IL1RAPL2: variants seen among roughly 807,000 people sequenced by gnomAD.
IL1RAPL2 encodes the protein X-linked interleukin-1 receptor accessory protein-like 2.
IL1RAPL2 carries 3 observed loss-of-function variants against 44.1 expected under a neutral mutation model. The observed-to-expected ratio is 0.07, with a 90% CI of 0.03 to 0.18. IL1RAPL2 has a LOEUF of 0.18. Ranked by LOEUF, IL1RAPL2 falls within the 10% of genes least tolerant of loss-of-function variation. The pLI is 1.00. For synonymous variants in IL1RAPL2, 181 were observed against 178.8 expected, an observed-to-expected ratio of 1.01 and a Z score of -0.10; for missense variants, 391 against 496.4, an observed-to-expected ratio of 0.79 and a Z score of 2.02.
chrX:104,618,292 A>G (rs1602646178), intron 1 of IL1RAPL2, among the ~76,000 whole-genome samples: 1 of 112,332 alleles, frequency 8.9e-6, no homozygotes, highest in Non-Finnish European at 1.9e-5. Flanking sequence ...GGGTTGACTC[A>G]TGGAATGCAC....
chrX:104,965,149 T>A (rs996507220), intron 2 of IL1RAPL2, among the ~76,000 whole-genome samples: 1 of 111,817 alleles, frequency 8.9e-6, no homozygotes, highest in African/African-American at 3.3e-5. Context: ...AGTGGGCTCA[T>A]AAGGAACAGG....
At chrX:105,511,741 G>C (rs978999315) in intron 6 of IL1RAPL2, among the ~76,000 whole-genome samples, 1 of 111,858 alleles carries the variant, frequency 8.9e-6, no homozygotes, top group Non-Finnish European at 1.9e-5. Context: ...GCATCTTCTA[G>C]TTAGCACAAT....
chrX:105,324,668 A>G (rs2034922273), intron 5 of IL1RAPL2, among the ~76,000 whole-genome samples: 1 of 112,191 alleles, frequency 8.9e-6, no homozygotes. Flanking sequence ...TGCAGATGAA[A>G]AGACCAAGGC....
intron 1 of IL1RAPL2, among the ~76,000 whole-genome samples, chrX:104,614,157 T>C (rs1164859722): frequency 9.0e-6 from 1 of 111,560 alleles, no homozygotes; most frequent in African/African-American, 3.3e-5. Context: ...TTGGTTTTGT[T>C]GATTCTTCAT....
intron 6 of IL1RAPL2, among the ~76,000 whole-genome samples, chrX:105,601,060 A>G (rs897468340): frequency 2.7e-5 from 3 of 111,625 alleles, no homozygotes; most frequent in African/African-American, 9.8e-5. Context: ...ATCCTGTTCT[A>G]TGAAGTGCAT....
intron 2 of IL1RAPL2, among the ~76,000 whole-genome samples, chrX:104,920,792 T>A (rs2147691407): frequency 9.1e-6 from 1 of 109,768 alleles, no homozygotes; most frequent in East Asian, 2.9e-4. Flanking sequence ...TTAAAAACAC[T>A]AAAAAAGGAG....
At chrX:105,126,618 A>G (rs1414208575) in intron 2 of IL1RAPL2, among the ~76,000 whole-genome samples, 1 of 111,507 alleles carries the variant, frequency 9.0e-6, no homozygotes, top group Non-Finnish European at 1.9e-5. Context: ...TAAAATTTCC[A>G]TTCAGCTATT....
At chrX:104,991,433 C>T (rs2030661165) in intron 2 of IL1RAPL2, among the ~76,000 whole-genome samples, 2 of 111,102 alleles carry the variant, frequency 1.8e-5, no homozygotes, top group Non-Finnish European at 3.8e-5. Context: ...AAGCAGAATA[C>T]AGACAGGGGC....
At chrX:105,093,279 A>T (rs764518871) in intron 2 of IL1RAPL2, among the ~76,000 whole-genome samples, 1 of 111,947 alleles carries the variant, frequency 8.9e-6, no homozygotes, top group Non-Finnish European at 1.9e-5. Context: ...TGTGTTAAAT[A>T]AAAATTGGAA....
At chrX:105,220,521 C>A in intron 3 of IL1RAPL2, 1 of 668,229 alleles carries the variant, frequency 1.5e-6, no homozygotes, top group Non-Finnish European at 2.1e-6. Context: ...CCGCCCTACC[C>A]GCTCTGACAA....
chrX:105,747,864 G>A (rs2038562761), intron 8 of IL1RAPL2, among the ~76,000 whole-genome samples: 1 of 110,408 alleles, frequency 9.1e-6, no homozygotes, highest in African/African-American at 3.3e-5. Context: ...CCAGTTACAT[G>A]GTAAGCTGAA....
intron 2 of IL1RAPL2, among the ~76,000 whole-genome samples, chrX:105,189,042 G>A (rs1486990569): frequency 1.5e-4 from 17 of 111,546 alleles, no homozygotes; most frequent in Admixed American, 1.4e-3. Flanking sequence ...GTATAAACAG[G>A]AAGAAACTTT....
intron 5 of IL1RAPL2, among the ~76,000 whole-genome samples, chrX:105,315,765 G>C (rs2034836181): frequency 9.8e-6 from 1 of 102,299 alleles, no homozygotes. Flanking sequence ...TAGGCTGGGA[G>C]GCTATGCCAG....
rs188504409 is a variant in IL1RAPL2, at chrX:105,121,595, T to C, written c.83-73880T>C. On this transcript the variant is annotated intron_variant, in intron 2 of 10. Coordinates refer to ENST00000372582, the MANE Select transcript of IL1RAPL2 (RefSeq NM_017416.2). ...TATTAAATAGGTTTATTTAAACCAA[T>C]ATTTTATTTTCTGAATAAACTTTTT... Among the ~76,000 whole-genome samples the C allele has an allele frequency of 6.1e-3, 684 of 112,376 alleles. 9 individuals are homozygous for C. The highest frequency in any genetic ancestry group is 0.021 in the African/African-American group (656 of 31,024).
chrX:105,250,810 T>C (rs1010246129), intron 4 of IL1RAPL2, among the ~76,000 whole-genome samples: 2 of 110,996 alleles, frequency 1.8e-5, no homozygotes, highest in African/African-American at 6.5e-5. Flanking sequence ...AGGGGACATA[T>C]TCTATGAGTT....
intron 6 of IL1RAPL2, among the ~76,000 whole-genome samples, chrX:105,684,541 G>C (rs968909737): frequency 1.8e-5 from 2 of 112,582 alleles, no homozygotes; most frequent in Admixed American, 9.3e-5. Flanking sequence ...GCTCGAACTG[G>C]GTGGAGCCCA....
intron 6 of IL1RAPL2, among the ~76,000 whole-genome samples, chrX:105,562,512 AACACACACACACACACACAC>A (rs55720100): frequency 1.1e-5 from 1 of 91,599 alleles, no homozygotes; most frequent in Admixed American, 1.3e-4. Context: ...ATTGAAAATA[AACACACACACACACACACAC>A]ACACACACAC....
intron 2 of IL1RAPL2, among the ~76,000 whole-genome samples, chrX:104,957,255 C>T (rs754930300): frequency 7.3e-5 from 2 of 27,448 alleles, no homozygotes; most frequent in South Asian, 6.6e-3. Context: ...TCCACTTCTG[C>T]AGTGAGCTTG....
intron 2 of IL1RAPL2, among the ~76,000 whole-genome samples, chrX:105,081,524 A>G (rs1175923596): frequency 3.6e-5 from 4 of 111,620 alleles, no homozygotes; most frequent in African/African-American, 6.5e-5. Flanking sequence ...GGTCTATTGA[A>G]TAATTCAAGA....
Sources: allele counts gnomAD v4.1 joint callset (sites outside exome capture counted in the v4.1 genomes callset), GRCh38; gene constraint gnomAD v4.1.1; transcripts MANE v1.5; gene names NCBI Gene and HGNC (gene_info 2026-07-23, HGNC 2026-07-21).